The following STAU1 variants were observed in gnomAD, a reference collection of about 807,000 sequenced individuals.
STAU1 encodes the protein double-stranded RNA-binding protein Staufen homolog 1.
In STAU1, 13 loss-of-function variants were observed where a neutral mutation model predicts 62.9. The ratio of observed to expected loss-of-function variants is 0.21; its 90% CI spans 0.13 to 0.33. The LOEUF (loss-of-function observed/expected upper bound fraction) is 0.33. Ranked by LOEUF, STAU1 falls within the 10% of genes least tolerant of loss-of-function variation. STAU1 has a pLI of 1.00. For missense variants in STAU1, 571 were observed against 712.1 expected, an observed-to-expected ratio of 0.80 and a Z score of 2.25; for synonymous variants, 269 against 265.1, an observed-to-expected ratio of 1.01 and a Z score of -0.14.
At chr20:49,207,102 T>C in the STAU1 span, among the ~76,000 whole-genome samples, 1 of 152,032 alleles carries the variant, frequency 6.6e-6, no homozygotes, top group Admixed American at 6.6e-5. Flanking sequence ...TGCATGTACC[T>C]GTAGTCCCAG....
chr20:49,156,838 A>G (rs902600991), intron 3 of STAU1, among the ~76,000 whole-genome samples: 10 of 151,616 alleles, frequency 6.6e-5, no homozygotes, highest in African/African-American at 2.2e-4. Context: ...TTTTTTATAA[A>G]CAACAACAAA....
At chr20:49,206,595 G>T in the STAU1 span, among the ~76,000 whole-genome samples, 1 of 141,408 alleles carries the variant, frequency 7.1e-6, no homozygotes, top group South Asian at 2.2e-4. Context: ...CTGTAGCCTC[G>T]ACCTCCTGGG....
chr20:49,118,466 T>G (rs991904398), intron 9 of STAU1, 58 bp from the exon 10 acceptor site: 1 of 1,330,004 alleles, frequency 7.5e-7, no homozygotes. Context: ...CACTGAAAAA[T>G]TAGCTCCTGC....
At chr20:49,168,253 G>C (rs988320786) in intron 2 of STAU1, among the ~76,000 whole-genome samples, 3 of 151,880 alleles carry the variant, frequency 2.0e-5, no homozygotes, top group African/African-American at 4.8e-5. Context: ...GCTAGTTTTT[G>C]TATTTTTAGC....
the STAU1 span, among the ~76,000 whole-genome samples, chr20:49,206,719 T>TTA: frequency 0.016 from 1,713 of 105,970 alleles, 17 homozygotes; most frequent in Middle Eastern, 0.032. Context: ...AAATGAAATT[T>TTA]TATATATATA....
the STAU1 span, among the ~76,000 whole-genome samples, chr20:49,195,535 C>CAAAAAAAAA: frequency 0.032 from 1,216 of 38,082 alleles, 208 homozygotes; most frequent in Non-Finnish European, 0.036. Context: ...GACTCCGTCT[C>CAAAAAAAAA]AAAAAAAAAA....
intron 1 of STAU1, among the ~76,000 whole-genome samples, chr20:49,186,696 G>A (rs1210059491): frequency 6.6e-6 from 1 of 151,846 alleles, no homozygotes; most frequent in Admixed American, 6.6e-5. Context: ...CAGGATAACC[G>A]AAACTGCTCC....
chr20:49,210,604 A>G, the STAU1 span: 1 of 429,952 alleles, frequency 2.3e-6, no homozygotes, highest in East Asian at 7.1e-5. Context: ...TACATAGCAG[A>G]AAAAGGACTT....
intron 2 of STAU1, among the ~76,000 whole-genome samples, chr20:49,170,910 T>C (rs953386892): frequency 6.6e-6 from 1 of 152,174 alleles, no homozygotes; most frequent in African/African-American, 2.4e-5. Context: ...TGATGTAAGA[T>C]GGATATACAG....
the STAU1 span, among the ~76,000 whole-genome samples, chr20:49,214,677 A>G: frequency 1.3e-5 from 2 of 152,158 alleles, no homozygotes; most frequent in Non-Finnish European, 2.9e-5. Context: ...CATCTGTCCA[A>G]TGGGAATAGC....
chr20:49,167,978 T>G (rs2093549523), intron 2 of STAU1, among the ~76,000 whole-genome samples: 1 of 151,748 alleles, frequency 6.6e-6, no homozygotes, highest in Non-Finnish European at 1.5e-5. Flanking sequence ...AGTTTAAGAC[T>G]CTGAATGAAT....
At position 49,120,174 on chromosome 20, in the gene STAU1, A is replaced by G. The variant is rs369399299; in HGVS notation, c.967-46T>C. 1.0e-5 allele frequency: 16 copies of G among 1,568,978 alleles called. No homozygotes were observed. In the African/African-American group the frequency reaches 1.4e-4, roughly 13 times the overall value. On this transcript the variant is annotated intron_variant, in intron 8 of 13. Coordinates refer to ENST00000371856, the MANE Select transcript of STAU1 (RefSeq NM_017453.4). ...ACAGACCAGTGCTTAAACCTTCAGA[A>G]TAACAACCAGGCAGGAATTGGTGTG...
Position 49,157,467 on chromosome 20 carries a change from CCAT to C in STAU1, c.206-3399_206-3397del, listed in dbSNP as rs559995743. 6.0e-3 allele frequency among the ~76,000 whole-genome samples: 911 copies of C among 152,050 alleles called. 5 individuals are homozygous for C. The highest frequency in any genetic ancestry group is 0.02 in the Middle Eastern group (6 of 294). Reference sequence around the variant, plus strand: ...TAGCTGGGACTACAGGCACACACCACCATACTTGGCTAATTTTTTTTTTTTATT... The same window carrying C: ...TAGCTGGGACTACAGGCACACACCACACTTGGCTAATTTTTTTTTTTTATT... On this transcript the variant is annotated intron_variant, in intron 3 of 13. Transcript: ENST00000371856.
At chr20:49,146,101 C>A (rs982954376) in intron 5 of STAU1, among the ~76,000 whole-genome samples, 2 of 151,964 alleles carry the variant, frequency 1.3e-5, no homozygotes, top group Admixed American at 6.6e-5. Context: ...GAAACCTCGT[C>A]TCTACCAAAG....
chr20:49,167,217 A>G (rs1284282134), intron 2 of STAU1, among the ~76,000 whole-genome samples: 2 of 139,144 alleles, frequency 1.4e-5, no homozygotes, highest in African/African-American at 4.9e-5. Context: ...GAGTCAAAGT[A>G]CTTAAAAATA....
At chr20:49,136,172 A>AT (rs1402885170) in intron 5 of STAU1, among the ~76,000 whole-genome samples, 7 of 152,056 alleles carry the variant, frequency 4.6e-5, no homozygotes, top group African/African-American at 1.7e-4. Context: ...GTGGTGGTAC[A>AT]TGCCTGTAGT....
At chr20:49,131,842 C>CAA (rs56345924) in intron 6 of STAU1, among the ~76,000 whole-genome samples, 25 of 121,252 alleles carry the variant, frequency 2.1e-4, no homozygotes, top group African/African-American at 6.8e-4. Flanking sequence ...GGCTCCGTCA[C>CAA]AAAAAAAAAA....
At chr20:49,194,199 C>T in the STAU1 span, among the ~76,000 whole-genome samples, 3 of 152,018 alleles carry the variant, frequency 2.0e-5, no homozygotes, top group Non-Finnish European at 2.9e-5. Context: ...GAGGCCAGGG[C>T]GGGCAGATCA....
At chr20:49,209,028 C>T in the STAU1 span, among the ~76,000 whole-genome samples, 4 of 151,676 alleles carry the variant, frequency 2.6e-5, no homozygotes, top group African/African-American at 9.7e-5. Flanking sequence ...CTCTGCCTCC[C>T]AGGCTCAAGT....
Sources: allele counts gnomAD v4.1 joint callset (sites outside exome capture counted in the v4.1 genomes callset), GRCh38; gene constraint gnomAD v4.1.1; transcripts MANE v1.5; gene names NCBI Gene and HGNC (gene_info 2026-07-23, HGNC 2026-07-21).